The following TANK variants were observed in gnomAD, a reference collection of about 807,000 sequenced individuals.
The protein encoded by TANK is TRAF family member-associated NF-kappa-B activator.
In TANK, 15 loss-of-function variants were observed where a neutral mutation model predicts 43.6. That is an observed-to-expected ratio of 0.34 (90% CI 0.23 to 0.53). The LOEUF (loss-of-function observed/expected upper bound fraction) is 0.53. Among genes scored for constraint, TANK ranks in the 20% least tolerant of loss-of-function variants. The pLI, the probability that TANK is intolerant of heterozygous loss-of-function variation, is 0.94. For synonymous variants in TANK, 162 were observed against 178.2 expected (o/e 0.91, Z 0.73); for missense variants, 417 against 498.6 (o/e 0.84, Z 1.56).
intron 4 of TANK, 104 bp downstream of exon 4, chr2:161,204,897 T>C (rs2105347437): frequency 6.6e-7 from 1 of 1,522,684 alleles, no homozygotes; most frequent in East Asian, 2.6e-5. Context: ...AAACAGAAGT[T>C]CCATATATAC....
intron 1 of TANK, among the ~76,000 whole-genome samples, chr2:161,147,263 A>G (rs2105221282): frequency 6.6e-6 from 1 of 152,264 alleles, no homozygotes; most frequent in Middle Eastern, 3.4e-3. Context: ...TTAGGTGGCT[A>G]TCAGTCCCAG....
intron 1 of TANK, chr2:161,163,298 G>A (rs1189614399): frequency 1.3e-5 from 2 of 152,128 alleles, no homozygotes; most frequent in Non-Finnish European, 2.9e-5. Flanking sequence ...CAGCAAAATG[G>A]TTCAGAACAA....
At chr2:161,144,386 T>C (rs1057198753) in intron 1 of TANK, among the ~76,000 whole-genome samples, 4 of 152,220 alleles carry the variant, frequency 2.6e-5, no homozygotes, top group Non-Finnish European at 5.9e-5. Context: ...TCTAGCTCTT[T>C]TAATTGTGAT....
intron 4 of TANK, chr2:161,216,305 G>T: frequency 2.3e-6 from 1 of 443,110 alleles, no homozygotes; most frequent in South Asian, 1.6e-5. Flanking sequence ...CGGCCAAATG[G>T]CCACAGTGAA....
intron 4 of TANK, among the ~76,000 whole-genome samples, chr2:161,209,925 TG>T (rs1232987929): frequency 6.6e-6 from 1 of 152,192 alleles, no homozygotes; most frequent in Non-Finnish European, 1.5e-5. Context: ...GAAGTGAACA[TG>T]GTATGAGTTC....
At chr2:161,187,579 C>T (rs1294333605) in intron 2 of TANK, among the ~76,000 whole-genome samples, 3 of 152,018 alleles carry the variant, frequency 2.0e-5, no homozygotes, top group Non-Finnish European at 4.4e-5. Context: ...AGCATTGACA[C>T]TATTGAAGGA....
At chr2:161,138,397 T>A (rs1051783954) in intron 1 of TANK, among the ~76,000 whole-genome samples, 2 of 152,198 alleles carry the variant, frequency 1.3e-5, no homozygotes, top group Non-Finnish European at 2.9e-5. Context: ...TGCATTCTTA[T>A]AATGTTAAAA....
At chr2:161,160,733 C>A in intron 1 of TANK, 1 of 544,878 alleles carries the variant, frequency 1.8e-6, no homozygotes, top group Non-Finnish European at 3.6e-6. Context: ...AGCATAGCAT[C>A]GTCGGCCTCT....
At chr2:161,218,750 G>A (rs1385983971) in intron 4 of TANK, among the ~76,000 whole-genome samples, 1 of 152,174 alleles carries the variant, frequency 6.6e-6, no homozygotes, top group African/African-American at 2.4e-5. Context: ...GATAGCTTCT[G>A]TTCTTCATGG....
chr2:161,150,592 T>C (rs569798918), intron 1 of TANK, among the ~76,000 whole-genome samples: 176 of 142,504 alleles, frequency 1.2e-3, no homozygotes, highest in African/African-American at 4.2e-3. Context: ...TCTTCTTCTT[T>C]TTTTTTTTTT....
rs373364653 is a variant in TANK at position 161,179,650 on chromosome 2, A to G, written c.-13A>G. Reference sequence around the variant, plus strand: ...ACTCCATCCTTTATAGTGATGCTACAGGACGAAGAGGAATGGATAAAAACA... The same window carrying G: ...ACTCCATCCTTTATAGTGATGCTACGGGACGAAGAGGAATGGATAAAAACA... On this transcript the variant is annotated 5_prime_UTR_variant, in exon 2 of 8. Transcript: ENST00000392749. The G allele has an allele frequency of 4.3e-6, 7 of 1,612,674 alleles. No homozygotes were observed. Among genetic ancestry groups the G allele is most frequent in the Non-Finnish European group, 5.9e-6 (7 of 1,179,252 alleles).
intron 4 of TANK, among the ~76,000 whole-genome samples, chr2:161,220,736 G>A (rs1687305822): frequency 6.6e-6 from 1 of 152,032 alleles, no homozygotes; most frequent in Non-Finnish European, 1.5e-5. Context: ...TTTTATAAAA[G>A]GAATAAAATA....
At chr2:161,193,678 A>G (rs1023538519) in intron 2 of TANK, among the ~76,000 whole-genome samples, 2 of 152,208 alleles carry the variant, frequency 1.3e-5, no homozygotes, top group East Asian at 1.9e-4. Context: ...CCAAATCACA[A>G]TGGCTGCTCT....
intron 1 of TANK, chr2:161,160,726 A>T: frequency 1.8e-6 from 1 of 547,510 alleles, no homozygotes; most frequent in Non-Finnish European, 3.5e-6. Flanking sequence ...CGATGTCAGC[A>T]TAGCATCGTC....
At chr2:161,203,072 G>T in intron 2 of TANK, 1 of 228,444 alleles carries the variant, frequency 4.4e-6, no homozygotes, top group Non-Finnish European at 8.9e-6. Flanking sequence ...TTAGAAGTGT[G>T]TTTATTTGAA....
chr2:161,187,952 A>C (rs1685739105), intron 2 of TANK, among the ~76,000 whole-genome samples: 1 of 152,192 alleles, frequency 6.6e-6, no homozygotes. Flanking sequence ...CTCTTAAACA[A>C]CCAGTGGGTC....
chr2:161,143,827 A>G (rs779083033), intron 1 of TANK, among the ~76,000 whole-genome samples: 1 of 152,228 alleles, frequency 6.6e-6, no homozygotes, highest in Non-Finnish European at 1.5e-5. Context: ...TGCTGGCCTC[A>G]TAAAATGAGT....
chr2:161,160,338 G>A (rs1047200122), upstream of TANK: 14 of 943,794 alleles, frequency 1.5e-5, no homozygotes, highest in African/African-American at 2.4e-4. Context: ...GAAGGGCCCT[G>A]GCCTTGTTGG....
Position 161,235,407 on chromosome 2 carries a change from A to C in TANK, c.1167A>C (p.Glu389Asp), listed in dbSNP as rs777344816. Residue 389 changes from glutamate to aspartate, a missense_variant, in exon 8 of 8, where the codon GAA becomes GAC. By Grantham distance (45) the Glu-to-Asp change is conservative. Coordinates refer to ENST00000392749, the MANE Select transcript of TANK (RefSeq NM_001199135.3). Reference sequence around the variant, plus strand: ...TGGTACTAAGTGGCACAGACTCAGAACTGCATATACCTCGAGTATGTGAAT... The same window carrying C: ...TGGTACTAAGTGGCACAGACTCAGACCTGCATATACCTCGAGTATGTGAAT... Reference protein sequence around the residue: ...DSVVLSGTDSELHIPRVCEFC... With the variant: ...DSVVLSGTDSDLHIPRVCEFC... 3 of 1,613,560 alleles carry C rather than the reference A, an allele frequency of 1.9e-6. No individual in the cohort carries two copies. The African/African-American group carries it at 4.0e-5, about 22-fold the overall frequency.
Sources: allele counts gnomAD v4.1 joint callset (sites outside exome capture counted in the v4.1 genomes callset), GRCh38; gene constraint gnomAD v4.1.1; transcripts MANE v1.5; gene names NCBI Gene and HGNC (gene_info 2026-07-23, HGNC 2026-07-21).